The following RIF1 variants were observed in gnomAD, a reference collection of about 807,000 sequenced individuals.
RIF1 encodes the protein telomere-associated protein RIF1.
A neutral mutation model predicts 247.1 loss-of-function variants in RIF1; 45 were observed. The ratio of observed to expected loss-of-function variants is 0.18; its 90% CI spans 0.14 to 0.23. RIF1 has a LOEUF of 0.23. Ranked by LOEUF, RIF1 falls within the 10% of genes least tolerant of loss-of-function variation. RIF1 has a pLI of 1.00. For missense variants in RIF1, 2,967 were observed against 2,862.5 expected (o/e 1.04, Z -0.83); for synonymous variants, 1,087 against 978.8 (o/e 1.11, Z -2.06).
At chr2:151,431,071 ATTAAG>A (rs1690037128) in intron 9 of RIF1, among the ~76,000 whole-genome samples, 1 of 152,232 alleles carries the variant, frequency 6.6e-6, no homozygotes, top group Non-Finnish European at 1.5e-5. Context: ...ATCTTTAGGA[ATTAAG>A]TTAAAGCATA....
intron 3 of RIF1, among the ~76,000 whole-genome samples, chr2:151,412,310 T>G (rs200526366): frequency 2.5e-5 from 2 of 79,400 alleles, no homozygotes; most frequent in Admixed American, 2.0e-4. Flanking sequence ...ATTTTTTTTG[T>G]TTGTTTTTAT....
chr2:151,508,005 A>G, exon 14 of RIF1: 1 of 1,601,276 alleles, frequency 6.2e-7, no homozygotes, highest in East Asian at 2.2e-5. Flanking sequence ...AAAAACTTAC[A>G]AGGCTGAAGT....
chr2:151,531,612 C>T, the RIF1 span, among the ~76,000 whole-genome samples: 16 of 152,152 alleles, frequency 1.1e-4, no homozygotes, highest in East Asian at 3.9e-4. Context: ...CCACCACGCC[C>T]GGCCACAACA....
At chr2:151,474,502 C>T (rs2048824497) in intron 35 of RIF1, among the ~76,000 whole-genome samples, 1 of 152,140 alleles carries the variant, frequency 6.6e-6, no homozygotes, top group African/African-American at 2.4e-5. Flanking sequence ...AACATGAAAC[C>T]CAGCACCTAC....
At chr2:151,505,657 C>T in intron 12 of RIF1, 1 of 1,132,812 alleles carries the variant, frequency 8.8e-7, no homozygotes, top group Non-Finnish European at 1.3e-6. Context: ...TTGTAGCCCC[C>T]AAATTAAAAA....
At chr2:151,411,187 G>C in intron 2 of RIF1, 73 bp from the exon 3 acceptor site, 2 of 906,286 alleles carry the variant, frequency 2.2e-6, no homozygotes, top group Non-Finnish European at 3.5e-6. Flanking sequence ...TAAAAAGATT[G>C]TACATGTATT....
chr2:151,528,940 G>A, the RIF1 span, among the ~76,000 whole-genome samples: 8 of 152,284 alleles, frequency 5.3e-5, no homozygotes, highest in African/African-American at 9.6e-5. Flanking sequence ...AGAATTAAAC[G>A]TCCCATTTCT....
chr2:151,518,979 G>A, the RIF1 span: 1 of 1,612,208 alleles, frequency 6.2e-7, no homozygotes, highest in South Asian at 1.1e-5. Flanking sequence ...CTGGCAAGTT[G>A]GCTTGTATTC....
intron 11 of RIF1, chr2:151,501,313 G>T: frequency 1.0e-6 from 1 of 954,912 alleles, no homozygotes; most frequent in Non-Finnish European, 1.6e-6. Flanking sequence ...TTATTATAAA[G>T]GGATGAACAG....
In RIF1 at chr2:151,412,220, C is replaced by T. The variant is rs536911193; in HGVS notation, c.183+882C>T. 6.6e-5 allele frequency among the ~76,000 whole-genome samples: 10 copies of T among 151,796 alleles called. No individual in the cohort carries two copies. In the South Asian group the frequency reaches 2.1e-3, roughly 32 times the overall value. On this transcript the variant is annotated intron_variant, in intron 3 of 35. Transcript: ENST00000444746. ...CTATCCTTAACATCTTTTAAATTTC[C>T]TTGTTTTTAGAATGAAAAAGTTGAA...
At position 151,409,931 on chromosome 2, in the gene RIF1, G is replaced by C. The variant is rs1573810346; in HGVS notation, c.-113G>C. On this transcript the variant is annotated 5_prime_UTR_variant, in exon 1 of 36. Coordinates refer to ENST00000444746, the MANE Select transcript of RIF1 (RefSeq NM_018151.5). Reference sequence around the variant, plus strand: ...GCCATCTTGGTCTAGGAGGGAGCGCGCCGCACGCGTGAGTAAACAGCCGGA... The same window carrying C: ...GCCATCTTGGTCTAGGAGGGAGCGCCCCGCACGCGTGAGTAAACAGCCGGA... The C allele has an allele frequency of 1.4e-6, 1 of 700,450 alleles. No homozygotes were observed. The highest frequency in any genetic ancestry group is 2.6e-6 in the Non-Finnish European group (1 of 384,026). 43.4% of individuals were successfully genotyped at this position (700,450 alleles called of 1,614,324 possible).
At chr2:151,436,091 G>A (rs1193122115) in intron 11 of RIF1, among the ~76,000 whole-genome samples, 4 of 152,068 alleles carry the variant, frequency 2.6e-5, no homozygotes, top group East Asian at 1.9e-4. Flanking sequence ...GGGCGTGGTC[G>A]TGGGCCCCTG....
At position 151,409,979 on chromosome 2, in the gene RIF1, A is replaced by AGC. The variant is rs1260196162; in HGVS notation, c.-63_-62dup. ...GGAGCTGGGAAAGTCGAGCTCTGGC[A>AGC]GCGTCTGGGTGCTGAGGGGCAGAGG... On this transcript the variant is annotated 5_prime_UTR_variant, in exon 1 of 36. Transcript: ENST00000444746. 2 of 702,096 alleles carry AGC rather than the reference A, an allele frequency of 2.8e-6. No individual in the cohort carries two copies. The highest frequency in any genetic ancestry group is 3.5e-5 in the African/African-American group (2 of 57,258). 43.5% of individuals were successfully genotyped at this position (702,096 alleles called of 1,614,324 possible). A position where few individuals can be genotyped will look rare whatever the true frequency, so the allele number is the denominator to read the frequency against.
At chr2:151,434,496 A>G (rs1288779992) in intron 10 of RIF1, among the ~76,000 whole-genome samples, 4 of 130,978 alleles carry the variant, frequency 3.1e-5, no homozygotes, top group Non-Finnish European at 6.2e-5. Flanking sequence ...GCTAGGGTGC[A>G]GTGGCACGAT....
At chr2:151,501,641 T>C (rs2064660533) in intron 11 of RIF1, among the ~76,000 whole-genome samples, 1 of 152,214 alleles carries the variant, frequency 6.6e-6, no homozygotes, top group Non-Finnish European at 1.5e-5. Flanking sequence ...AGATCCCCTT[T>C]GGACATTTAG....
At chr2:151,412,143 A>G (rs537615603) in intron 3 of RIF1, among the ~76,000 whole-genome samples, 2 of 152,320 alleles carry the variant, frequency 1.3e-5, no homozygotes, top group African/African-American at 2.4e-5. Flanking sequence ...GTTTGACATC[A>G]TACTGTGGAC....
At chr2:151,501,744 C>CAAAG (rs370017162) in intron 11 of RIF1, among the ~76,000 whole-genome samples, 7 of 152,158 alleles carry the variant, frequency 4.6e-5, no homozygotes, top group African/African-American at 1.7e-4. Flanking sequence ...GGCCTTCTCT[C>CAAAG]AAAGACCAGA....
At chr2:151,445,254 C>T (rs1693051209) in intron 18 of RIF1, 84 bp from the exon 19 acceptor site, 2 of 823,830 alleles carry the variant, frequency 2.4e-6, no homozygotes, top group South Asian at 1.4e-5. Flanking sequence ...CAGTTTTGCC[C>T]ACTACTTATA....
At chr2:151,508,528 CA>C (rs2071209498), downstream of RIF1, among the ~76,000 whole-genome samples, 2 of 152,332 alleles carry the variant, frequency 1.3e-5, no homozygotes, top group South Asian at 4.1e-4. Context: ...GGTTAAGAGT[CA>C]AAGACATGAC....
Sources: gnomAD v4.1 joint callset for allele counts (sites outside exome capture counted in the v4.1 genomes callset) on GRCh38, gnomAD v4.1.1 for gene constraint, MANE v1.5 for transcripts, NCBI Gene and HGNC (gene_info 2026-07-23, HGNC 2026-07-21) for gene names.